Variants in CEMIP observed in about 807,000 individuals in gnomAD.
CEMIP encodes the protein cell migration-inducing and hyaluronan-binding protein.
A neutral mutation model predicts 156.9 loss-of-function variants in CEMIP; 105 were observed. The observed-to-expected ratio is 0.67, with a 90% CI of 0.57 to 0.79. The LOEUF (loss-of-function observed/expected upper bound fraction) is 0.79, where lower values mean the gene tolerates loss of function less well. Among genes scored for constraint, CEMIP ranks in the 30% least tolerant of loss-of-function variants. CEMIP has a pLI of 0.00. For missense variants in CEMIP, 1,457 were observed against 1,769.4 expected (o/e 0.82, Z 3.17); for synonymous variants, 676 against 668.4 (o/e 1.01, Z -0.17).
intron 1 of CEMIP, among the ~76,000 whole-genome samples, chr15:80,797,684 C>T (rs1337712857): frequency 2.0e-5 from 3 of 152,160 alleles, no homozygotes; most frequent in African/African-American, 7.2e-5. Flanking sequence ...GCTGCAGTGA[C>T]TGGCAATGGC....
intron 3 of CEMIP, among the ~76,000 whole-genome samples, chr15:80,877,292 C>T (rs1253853408): frequency 1.3e-5 from 2 of 152,180 alleles, no homozygotes; most frequent in African/African-American, 4.8e-5. Flanking sequence ...TCAAGAGACA[C>T]CTTCTTTGCT....
At chr15:80,840,954 G>A (rs923984974) in intron 1 of CEMIP, among the ~76,000 whole-genome samples, 1 of 152,192 alleles carries the variant, frequency 6.6e-6, no homozygotes, top group Non-Finnish European at 1.5e-5. Context: ...TGTCCTCACT[G>A]GCCACAAGGG....
At chr15:80,865,348 A>G (rs1898096675) in intron 1 of CEMIP, among the ~76,000 whole-genome samples, 1 of 151,844 alleles carries the variant, frequency 6.6e-6, no homozygotes, top group South Asian at 2.1e-4. Context: ...CGCCCGGCTA[A>G]TGTTTGTATT....
chr15:80,784,980 C>A lies in CEMIP; in HGVS notation c.-176+5366C>A, dbSNP rs572304517. Reference sequence around the variant, plus strand: ...TGCCCTCCTAATGACCTTATAATGACCCTTAAAATTCTTGGAGATAATTAT... The same window carrying A: ...TGCCCTCCTAATGACCTTATAATGAACCTTAAAATTCTTGGAGATAATTAT... On this transcript the variant is annotated intron_variant, in intron 1 of 29. Transcript: ENST00000394685. 1.1e-4 allele frequency among the ~76,000 whole-genome samples: 16 copies of A among 152,288 alleles called. No homozygotes were observed. The East Asian group carries it at 1.9e-3, about 18-fold the overall frequency.
intron 23 of CEMIP, among the ~76,000 whole-genome samples, chr15:80,935,255 T>C (rs553264902): frequency 2.6e-5 from 4 of 152,292 alleles, no homozygotes; most frequent in South Asian, 4.1e-4. Context: ...AGTCATGTCC[T>C]GAATAATTGA....
At chr15:80,827,640 A>C (rs1338473750) in intron 1 of CEMIP, among the ~76,000 whole-genome samples, 2 of 152,180 alleles carry the variant, frequency 1.3e-5, no homozygotes, top group African/African-American at 4.8e-5. Flanking sequence ...ACAACAACAA[A>C]AAACTTCCCC....
At chr15:80,888,890 A>T in intron 9 of CEMIP, 94 bp downstream of exon 9, 1 of 1,110,180 alleles carries the variant, frequency 9.0e-7, no homozygotes. Context: ...CTCTTATACC[A>T]GTAGGACCAC....
chr15:80,875,091 T>C (rs1490256033), intron 3 of CEMIP, among the ~76,000 whole-genome samples: 1 of 144,558 alleles, frequency 6.9e-6, no homozygotes, highest in African/African-American at 2.6e-5. Flanking sequence ...TGGAGTGCAG[T>C]GATATGATCG....
At position 80,847,337 on chromosome 15, in the gene CEMIP, C is replaced by T. The variant is rs536075354; in HGVS notation, c.-175-26201C>T. Among the ~76,000 whole-genome samples the T allele has an allele frequency of 3.3e-5, 5 of 152,352 alleles. No homozygotes were observed. In the South Asian group the frequency reaches 8.3e-4, roughly 25 times the overall value. The stretch of plus-strand genomic sequence containing the variant: ...GTGTTGAAACTGCAGGCATGAGCTG[C>T]TGCACCCAGCCCTTATGTAGCTTTT... On this transcript the variant is annotated intron_variant, in intron 1 of 29. Coordinates refer to ENST00000394685, the MANE Select transcript of CEMIP (RefSeq NM_001293298.2).
chr15:80,946,841 C>A (rs868714593), intron 28 of CEMIP, 124 bp from the exon 29 acceptor site: 3 of 723,242 alleles, frequency 4.1e-6, no homozygotes, highest in Admixed American at 2.0e-5. Flanking sequence ...TTTCCCGAAT[C>A]CCTGGACAGG....
At chr15:80,799,377 G>A (rs548919003) in intron 1 of CEMIP, among the ~76,000 whole-genome samples, 214 of 152,334 alleles carry the variant, frequency 1.4e-3, no homozygotes, top group African/African-American at 4.9e-3. Context: ...TTCTCTCAAT[G>A]AGTTGAGGCC....
At chr15:80,880,365 C>T (rs979491964) in intron 5 of CEMIP, among the ~76,000 whole-genome samples, 1 of 152,196 alleles carries the variant, frequency 6.6e-6, no homozygotes, top group African/African-American at 2.4e-5. Context: ...TAATAATTGG[C>T]ACGTCTGCTT....
At chr15:80,901,474 G>A (rs1899543579) in intron 12 of CEMIP, among the ~76,000 whole-genome samples, 1 of 152,114 alleles carries the variant, frequency 6.6e-6, no homozygotes, top group Non-Finnish European at 1.5e-5. Flanking sequence ...GGCTGAGGTG[G>A]GTGGATCACC....
intron 23 of CEMIP, among the ~76,000 whole-genome samples, chr15:80,936,193 G>T (rs1226927748): frequency 6.6e-6 from 1 of 152,240 alleles, no homozygotes; most frequent in Non-Finnish European, 1.5e-5. Context: ...GGCCTCAGGG[G>T]CCAGACACTG....
intron 23 of CEMIP, 26 bp from the exon 24 acceptor site, chr15:80,936,648 T>A (rs760586124): frequency 1.2e-5 from 19 of 1,582,870 alleles, no homozygotes; most frequent in Non-Finnish European, 1.6e-5. Context: ...AGCCTCATTG[T>A]GTGTTTCCTT....
intron 12 of CEMIP, among the ~76,000 whole-genome samples, chr15:80,904,248 G>A (rs1899695467): frequency 6.6e-6 from 1 of 152,160 alleles, no homozygotes; most frequent in Non-Finnish European, 1.5e-5. Context: ...ATTCTGTGCT[G>A]GGTGTGGTGG....
intron 1 of CEMIP, among the ~76,000 whole-genome samples, chr15:80,828,904 TG>T (rs1407392643): frequency 6.6e-6 from 1 of 152,222 alleles, no homozygotes; most frequent in Non-Finnish European, 1.5e-5. Flanking sequence ...GGTAGAAATC[TG>T]GGGACTGGAA....
chr15:80,873,898 C>A lies in CEMIP; in HGVS notation c.19C>A (p.Gln7Lys), dbSNP rs1317515442. The stretch of plus-strand genomic sequence containing the variant: ...TGCCAGGATGGGAGCTGCTGGGAGG[C>A]AGGACTTCCTCTTCAAGGCCATGCT... MGAAGR[Q>K]DFLFKAMLTI... Residue 7 changes from glutamine (Q) to lysine (K), a missense_variant, in exon 3 of 30, where the codon CAG becomes AAG. Around this residue, in one of 5 missense-constraint regions of CEMIP, gnomAD observed 309 missense variants for 340.8 expected, o/e 0.91. Transcript: ENST00000394685. 6.3e-7 allele frequency: 1 copy of A among 1,580,018 alleles called. No individual in the cohort carries two copies. The highest frequency in any genetic ancestry group is 1.3e-5 in the African/African-American group (1 of 74,834).
intron 3 of CEMIP, among the ~76,000 whole-genome samples, chr15:80,876,756 G>A (rs925161835): frequency 6.6e-6 from 1 of 152,214 alleles, no homozygotes; most frequent in African/African-American, 2.4e-5. Context: ...GCTGCTGAGT[G>A]CAGATGAAGG....
Sources: gnomAD v4.1 joint callset for allele counts (sites outside exome capture counted in the v4.1 genomes callset) on GRCh38, gnomAD v4.1.1 for gene constraint, gnomAD v4.1.1 regional missense constraint, MANE v1.5 for transcripts, NCBI Gene and HGNC (gene_info 2026-07-23, HGNC 2026-07-21) for gene names.